The following MTCL2 variants were observed in gnomAD, a reference collection of about 807,000 sequenced individuals.
MTCL2 encodes the protein microtubule cross-linking factor 2.
the MTCL2 span, chr20:36,780,880 A>T: frequency 6.6e-6 from 1 of 152,204 alleles, no homozygotes; most frequent in African/African-American, 2.4e-5. Context: ...TGATGAAAGG[A>T]TACATGCTAT....
At chr20:36,816,956 G>C in the MTCL2 span, among the ~76,000 whole-genome samples, 2 of 152,090 alleles carry the variant, frequency 1.3e-5, no homozygotes, top group Non-Finnish European at 2.9e-5. Context: ...AAATAAAGTG[G>C]GCAGTGAAAC....
the MTCL2 span, chr20:36,862,519 C>T: frequency 1.3e-6 from 1 of 781,102 alleles, no homozygotes; most frequent in South Asian, 3.2e-5. Flanking sequence ...CCAGATCCAC[C>T]TCAGAGTGGT....
At chr20:36,788,453 C>A in the MTCL2 span, among the ~76,000 whole-genome samples, 4 of 151,584 alleles carry the variant, frequency 2.6e-5, no homozygotes, top group Non-Finnish European at 5.9e-5. Context: ...AGATCGAGAC[C>A]ATCTGAAACC....
the MTCL2 span, chr20:36,793,636 G>C: frequency 6.4e-7 from 1 of 1,551,248 alleles, no homozygotes; most frequent in Non-Finnish European, 8.7e-7. The surrounding 1 kb of genome is among the most constrained non-coding windows in gnomAD (Gnocchi z 6.8). Flanking sequence ...TCAATACAGG[G>C]CTGTCCCGCG....
At chr20:36,859,075 G>A in the MTCL2 span, among the ~76,000 whole-genome samples, 2 of 152,236 alleles carry the variant, frequency 1.3e-5, no homozygotes, top group African/African-American at 4.8e-5. Context: ...ACAGGCGTGA[G>A]TCACTGCGCC....
the MTCL2 span, among the ~76,000 whole-genome samples, chr20:36,847,785 T>A: frequency 6.7e-6 from 1 of 149,464 alleles, no homozygotes; most frequent in East Asian, 2.0e-4. Context: ...GCTTGGGAGG[T>A]TGAGGCTGCA....
At chr20:36,797,029 G>C in the MTCL2 span, 1 of 1,273,168 alleles carries the variant, frequency 7.9e-7, no homozygotes, top group East Asian at 2.3e-5. Flanking sequence ...GACCAGCCCC[G>C]ACCTCAGTGC....
chr20:36,818,259 G>A, the MTCL2 span, among the ~76,000 whole-genome samples: 1 of 152,182 alleles, frequency 6.6e-6, no homozygotes, highest in African/African-American at 2.4e-5. Context: ...CTGTAATTCA[G>A]AATGAATACT....
chr20:36,835,969 T>G, the MTCL2 span, among the ~76,000 whole-genome samples: 1 of 152,066 alleles, frequency 6.6e-6, no homozygotes, highest in Non-Finnish European at 1.5e-5. Flanking sequence ...TGACATTTTT[T>G]TGTGTCCCTC....
chr20:36,815,336 C>T, the MTCL2 span: 11 of 1,613,844 alleles, frequency 6.8e-6, no homozygotes, highest in Admixed American at 1.7e-5. The surrounding 1 kb of genome is among the most constrained non-coding windows in gnomAD (Gnocchi z 5.3). Flanking sequence ...CCCTGGGGCC[C>T]TCGCTGTTGT....
At chr20:36,850,143 C>G in the MTCL2 span, among the ~76,000 whole-genome samples, 1 of 152,116 alleles carries the variant, frequency 6.6e-6, no homozygotes, top group African/African-American at 2.4e-5. Flanking sequence ...CCAAGGCTGG[C>G]TCAGGGGCGG....
chr20:36,816,250 T>C, the MTCL2 span: 1 of 1,610,538 alleles, frequency 6.2e-7, no homozygotes, highest in African/African-American at 1.3e-5. Flanking sequence ...TTCTTGCACA[T>C]GAGGGCTGAC....
the MTCL2 span, chr20:36,839,245 A>C: frequency 7.5e-6 from 12 of 1,605,134 alleles, no homozygotes; most frequent in Non-Finnish European, 1.0e-5. The surrounding 1 kb of genome is among the most constrained non-coding windows in gnomAD (Gnocchi z 5.1). Flanking sequence ...ACCACGGATA[A>C]GCTCGCCGTC....
chr20:36,806,041 G>A, the MTCL2 span: 1 of 1,142,058 alleles, frequency 8.8e-7, no homozygotes, highest in African/African-American at 1.6e-5. Context: ...GTAGGTCGAG[G>A]AGCACGGCTG....
At chr20:36,780,485 G>A in the MTCL2 span, 1 of 152,224 alleles carries the variant, frequency 6.6e-6, no homozygotes, top group Non-Finnish European at 1.5e-5. Context: ...AAGGGGTTTA[G>A]ACCAAATTAT....
chr20:36,813,346 G>A, the MTCL2 span, among the ~76,000 whole-genome samples: 1 of 118,738 alleles, frequency 8.4e-6, no homozygotes, highest in Non-Finnish European at 1.7e-5. Flanking sequence ...AAAAGGCAAT[G>A]TGCTTGCTTA....
the MTCL2 span, among the ~76,000 whole-genome samples, chr20:36,832,772 G>A: frequency 3.3e-5 from 5 of 152,284 alleles, no homozygotes; most frequent in South Asian, 1.0e-3. Flanking sequence ...GAACCCAGGA[G>A]ACGGAGGTTG....
the MTCL2 span, chr20:36,828,703 C>G: frequency 4.4e-5 from 10 of 229,798 alleles, no homozygotes; most frequent in Middle Eastern, 2.9e-3. Flanking sequence ...AACTGAGGCA[C>G]AGAGGGCTGA....
the MTCL2 span, chr20:36,815,366 G>T: frequency 6.2e-7 from 1 of 1,613,658 alleles, no homozygotes. This position sits in a 1 kb window ranked among gnomAD's most constrained non-coding sequence, Gnocchi z 5.3. Flanking sequence ...CATGCAGCCG[G>T]AAGTCAGCAC....
Sources: allele counts gnomAD v4.1 joint callset (sites outside exome capture counted in the v4.1 genomes callset), GRCh38; gene constraint gnomAD v4.1.1; non-coding constraint Gnocchi (gnomAD v3.1); transcripts MANE v1.5; gene names NCBI Gene and HGNC (gene_info 2026-07-23, HGNC 2026-07-21).